Variants in NRG1 observed in about 807,000 individuals in gnomAD.
The protein encoded by NRG1 is neuregulin 1, also known as pro-neuregulin-1, membrane-bound isoform.
NRG1 carries 18 observed loss-of-function variants against 63.8 expected under a neutral mutation model. The ratio of observed to expected loss-of-function variants is 0.28; its 90% CI spans 0.19 to 0.42. NRG1 has a LOEUF of 0.42. Ranked by LOEUF, NRG1 falls within the 10% of genes least tolerant of loss-of-function variation. NRG1 has a pLI of 1.00. For synonymous variants in NRG1, 302 were observed against 301.3 expected, an observed-to-expected ratio of 1.00 and a Z score of -0.02; for missense variants, 762 against 814.7, an observed-to-expected ratio of 0.94 and a Z score of 0.79.
At chr8:32,699,606 A>C (rs1814318345) in intron 5 of NRG1, among the ~76,000 whole-genome samples, 1 of 152,234 alleles carries the variant, frequency 6.6e-6, no homozygotes, top group South Asian at 2.1e-4. Flanking sequence ...CAAACATAGG[A>C]GAACAAAATT....
At chr8:32,432,273 A>T (rs1818240186) in intron 1 of NRG1, among the ~76,000 whole-genome samples, 1 of 152,180 alleles carries the variant, frequency 6.6e-6, no homozygotes, top group Non-Finnish European at 1.5e-5. Flanking sequence ...TTGAAAGCTA[A>T]CTATGTACTA....
chr8:31,935,847 C>G (rs1294504529), intron 1 of NRG1, among the ~76,000 whole-genome samples: 1 of 152,190 alleles, frequency 6.6e-6, no homozygotes, highest in African/African-American at 2.4e-5. Context: ...CCCCGTAAGG[C>G]TCCATGAGAG....
At chr8:31,669,284 C>A (rs1806864582) in intron 1 of NRG1, among the ~76,000 whole-genome samples, 1 of 151,432 alleles carries the variant, frequency 6.6e-6, no homozygotes, top group African/African-American at 2.4e-5. Flanking sequence ...TTTGCCCAGG[C>A]TGGAGCACAA....
At chr8:32,000,924 C>A (rs1250968127) in intron 1 of NRG1, among the ~76,000 whole-genome samples, 1 of 151,914 alleles carries the variant, frequency 6.6e-6, no homozygotes, top group Non-Finnish European at 1.5e-5. Context: ...ATTGTTTTCA[C>A]TATTATAAAT....
At chr8:32,669,445 C>A (rs1046263686) in intron 5 of NRG1, among the ~76,000 whole-genome samples, 3 of 152,084 alleles carry the variant, frequency 2.0e-5, no homozygotes, top group African/African-American at 7.2e-5. Flanking sequence ...TAATGTGGAC[C>A]TCAGAAAAAG....
At chr8:32,761,413 G>C (rs192945843) in intron 11 of NRG1, among the ~76,000 whole-genome samples, 1 of 152,078 alleles carries the variant, frequency 6.6e-6, no homozygotes, top group African/African-American at 2.4e-5. Context: ...GGACTGGGAA[G>C]TTACTTCCAA....
intron 1 of NRG1, among the ~76,000 whole-genome samples, chr8:31,864,982 G>A (rs897951726): frequency 2.0e-5 from 3 of 152,110 alleles, no homozygotes; most frequent in African/African-American, 7.2e-5. Context: ...TATCAAAGAA[G>A]GCCTTTATTT....
intron 1 of NRG1, among the ~76,000 whole-genome samples, chr8:31,845,209 T>A (rs2129608264): frequency 6.6e-6 from 1 of 152,254 alleles, no homozygotes; most frequent in African/African-American, 2.4e-5. Context: ...CAGGAGCCAG[T>A]TTATATTTTA....
At chr8:32,549,315 C>T (rs534855583) in intron 1 of NRG1, among the ~76,000 whole-genome samples, 134 of 152,318 alleles carry the variant, frequency 8.8e-4, no homozygotes, top group African/African-American at 2.8e-3. Flanking sequence ...GGTGGTCGAG[C>T]AAGAGGCCGC....
intron 6 of NRG1, among the ~76,000 whole-genome samples, chr8:32,730,823 G>C (rs1048487312): frequency 1.3e-5 from 2 of 152,070 alleles, no homozygotes; most frequent in African/African-American, 4.8e-5. Context: ...GGGAAACCTT[G>C]TTATTTTTTC....
chr8:32,318,731 A>G (rs891247667), intron 1 of NRG1, among the ~76,000 whole-genome samples: 1 of 152,212 alleles, frequency 6.6e-6, no homozygotes, highest in African/African-American at 2.4e-5. Context: ...TGATTTACTC[A>G]AAGAAGACTT....
At chr8:32,258,616 T>TGA (rs145599268) in intron 1 of NRG1, among the ~76,000 whole-genome samples, 8 of 150,880 alleles carry the variant, frequency 5.3e-5, no homozygotes, top group South Asian at 2.1e-4. Flanking sequence ...TGGTGGCAGG[T>TGA]GAGAGAGAGA....
At chr8:32,407,527 T>C (rs1814255604) in intron 1 of NRG1, among the ~76,000 whole-genome samples, 1 of 151,978 alleles carries the variant, frequency 6.6e-6, no homozygotes, top group African/African-American at 2.4e-5. Flanking sequence ...CTAACATCAA[T>C]TGATTGAAGG....
intron 1 of NRG1, among the ~76,000 whole-genome samples, chr8:32,559,841 CA>C (rs575336896): frequency 1.4e-3 from 176 of 127,202 alleles, no homozygotes; most frequent in East Asian, 2.9e-3. Context: ...CAAAAAAATA[CA>C]AAAAAAAAAA....
intron 1 of NRG1, among the ~76,000 whole-genome samples, chr8:31,828,516 C>T (rs1055429226): frequency 3.9e-5 from 6 of 152,174 alleles, no homozygotes; most frequent in Non-Finnish European, 5.9e-5. Context: ...CCCCGAGGCT[C>T]AGGTCTCTGA....
rs748728234 is a variant in NRG1, at chr8:32,593,832, G to GA, written c.101-1989dup. 4.3e-4 allele frequency among the ~76,000 whole-genome samples: 18 copies of GA among 41,656 alleles called. No homozygotes were observed. The East Asian group carries it at 6.5e-3, about 15-fold the overall frequency. 27.3% of individuals were successfully genotyped at this position (41,656 alleles called of 152,430 possible). On this transcript the variant is annotated intron_variant, in intron 1 of 11. Transcript: ENST00000356819. ...AAAAGACTTCTATGAAAGCTCTTCAGAAAAAAATATTTTCAAGGTGTCAAA... is the reference window on the plus strand; with the variant it reads ...AAAAGACTTCTATGAAAGCTCTTCAGAAAAAAAATATTTTCAAGGTGTCAAA...
intron 1 of NRG1, among the ~76,000 whole-genome samples, chr8:31,992,485 G>A (rs1811266609): frequency 6.6e-6 from 1 of 152,068 alleles, no homozygotes; most frequent in South Asian, 2.1e-4. Flanking sequence ...AAAACTAGGA[G>A]CCAAATGCAG....
chr8:32,356,484 C>CA (rs1563354004), intron 1 of NRG1, among the ~76,000 whole-genome samples: 2 of 100,856 alleles, frequency 2.0e-5, no homozygotes, highest in South Asian at 3.5e-4. Context: ...ACCCCCCCCC[C>CA]ACCCGCCGGG....
At chr8:32,353,880 C>T (rs184652478) in intron 1 of NRG1, among the ~76,000 whole-genome samples, 1 of 152,274 alleles carries the variant, frequency 6.6e-6, no homozygotes, top group Non-Finnish European at 1.5e-5. Flanking sequence ...ATATTTATAA[C>T]AGCTTTATCT....
Sources: gnomAD v4.1 joint callset for allele counts (sites outside exome capture counted in the v4.1 genomes callset) on GRCh38, gnomAD v4.1.1 for gene constraint, MANE v1.5 for transcripts, NCBI Gene and HGNC (gene_info 2026-07-23, HGNC 2026-07-21) for gene names.